LRRC66: variants seen among roughly 807,000 people sequenced by gnomAD.
LRRC66 encodes the protein leucine-rich repeat-containing protein 66.
LRRC66 carries 29 observed loss-of-function variants against 24.6 expected under a neutral mutation model. That is an observed-to-expected ratio of 1.18 (90% CI 0.88 to 1.61). The LOEUF (loss-of-function observed/expected upper bound fraction) is 1.61, where lower values mean the gene tolerates loss of function less well. Ranked by LOEUF, LRRC66 falls within the 40% of genes most tolerant of loss-of-function variation. The pLI, the probability that LRRC66 is intolerant of heterozygous loss-of-function variation, is 0.00. For missense variants in LRRC66, 1,124 were observed against 1,058.0 expected (o/e 1.06, Z -0.87); for synonymous variants, 411 against 397.6 (o/e 1.03, Z -0.40).
intron 2 of LRRC66, among the ~76,000 whole-genome samples, chr4:52,016,531 A>AT (rs1736815800): frequency 6.6e-6 from 1 of 152,166 alleles, no homozygotes; most frequent in Non-Finnish European, 1.5e-5. Flanking sequence ...AGACTATTGA[A>AT]TGTCAGATGA....
chr4:51,994,289 G>C lies in LRRC66; in HGVS notation c.*90C>G. On this transcript the variant is annotated 3_prime_UTR_variant, in exon 5 of 5. Coordinates refer to ENST00000682860, the MANE Select transcript of LRRC66 (RefSeq NM_001024611.3). ...TTGGAATTCATGTTGTCTCCTTCAG[G>C]ATCTTGTTGTGAAGGCTTTAGTTTT... 1 of 1,231,894 alleles carries C rather than the reference G, an allele frequency of 8.1e-7. No homozygotes were observed. Among genetic ancestry groups the C allele is most frequent in the Non-Finnish European group, 1.1e-6 (1 of 897,814 alleles). 76.3% of individuals were successfully genotyped at this position (1,231,894 alleles called of 1,614,324 possible). A position where few individuals can be genotyped will look rare whatever the true frequency, so the allele number is the denominator to read the frequency against.
At chr4:51,998,677 G>A (rs1013845126) in intron 3 of LRRC66, among the ~76,000 whole-genome samples, 1 of 152,206 alleles carries the variant, frequency 6.6e-6, no homozygotes, top group East Asian at 1.9e-4. Context: ...AGGGGAACAA[G>A]AAGTATCCAG....
intron 2 of LRRC66, among the ~76,000 whole-genome samples, chr4:52,012,380 GT>G (rs1181886552): frequency 6.6e-6 from 1 of 152,074 alleles, no homozygotes; most frequent in Non-Finnish European, 1.5e-5. Flanking sequence ...AGACCAGGAA[GT>G]TCAGTTTACA....
Position 51,994,754 on chromosome 4 carries a change from A to C in LRRC66, c.2268T>G (p.Asn756Lys). 6.2e-7 allele frequency: 1 copy of C among 1,614,044 alleles called. No individual in the cohort carries two copies. The highest frequency in any genetic ancestry group is 8.5e-7 in the Non-Finnish European group (1 of 1,180,010). ...NVTAVDSLEE[N>K]VTFQTIPGKC... ...TCCCTGGAATTGTTTGGAAGGTAAC[A>C]TTTTCCTCAAGACTGTCTACAGCCG... Residue 756 changes from asparagine (N) to lysine (K), a missense_variant, in exon 5 of 5, where the codon AAT (asparagine) becomes AAG (lysine). By Grantham distance (94) the Asn-to-Lys change is moderately conservative. Coordinates refer to ENST00000682860, the MANE Select transcript of LRRC66 (RefSeq NM_001024611.3).
chr4:52,008,329 C>T (rs1294127667), intron 2 of LRRC66, among the ~76,000 whole-genome samples: 1 of 152,006 alleles, frequency 6.6e-6, no homozygotes, highest in Admixed American at 6.6e-5. Flanking sequence ...CTCCACACAA[C>T]AAAGTAAATT....
At position 51,995,668 on chromosome 4, in the gene LRRC66, A is replaced by G; in HGVS notation, c.1354T>C (p.Tyr452His). ...LRQVFPHLSL[Y>H]ENQTPFWVTQ... is the part of the protein sequence containing the mutation. Reference sequence around the variant, plus strand: ...ACCCAGAAAGGGGTCTGGTTCTCGTAGAGGCTTAGATGAGGAAATACTTGG... The same window carrying G: ...ACCCAGAAAGGGGTCTGGTTCTCGTGGAGGCTTAGATGAGGAAATACTTGG... The change falls in exon 5 of 5, where the codon TAC (tyrosine) becomes CAC (histidine). Residue 452 changes from tyrosine (Y) to histidine (H), a missense_variant. Tyr to His is a moderately conservative substitution (Grantham distance 83). Transcript: ENST00000682860. The G allele has an allele frequency of 6.2e-7, 1 of 1,614,094 alleles. No homozygotes were observed. Among genetic ancestry groups the G allele is most frequent in the Non-Finnish European group, 8.5e-7 (1 of 1,180,000 alleles).
Position 51,994,922 on chromosome 4 carries a change from C to G in LRRC66, c.2100G>C (p.Glu700Asp), listed in dbSNP as rs764522847. 6.2e-7 allele frequency: 1 copy of G among 1,614,162 alleles called. No individual in the cohort carries two copies. Residue 700 changes from glutamate to aspartate, a missense_variant, in exon 5 of 5, where the codon GAG (glutamate) becomes GAC (aspartate). Glu to Asp is a conservative substitution (Grantham distance 45). Coordinates refer to ENST00000682860, the MANE Select transcript of LRRC66 (RefSeq NM_001024611.3). ...STPSDTCCEL[E>D]SDCDSDEGSL... is the part of the protein sequence containing the mutation. Reference sequence around the variant, plus strand: ...ACCCCTCATCAGAGTCACAGTCACTCTCCAACTCACAGCAAGTGTCAGAAG... The same window carrying G: ...ACCCCTCATCAGAGTCACAGTCACTGTCCAACTCACAGCAAGTGTCAGAAG...
intron 2 of LRRC66, among the ~76,000 whole-genome samples, chr4:52,009,431 G>A (rs943940345): frequency 6.6e-6 from 1 of 151,948 alleles, no homozygotes; most frequent in African/African-American, 2.4e-5. Context: ...AAAAATAATA[G>A]AGAAAAATCA....
At position 51,996,186 on chromosome 4, in the gene LRRC66, A is replaced by G. The variant is rs751671725; in HGVS notation, c.857-21T>C. Reference sequence around the variant, plus strand: ...ACTCCCTGCAAGTGGGATTAAAAAAATACACATTGAGCGAACATTGAAATA... The same window carrying G: ...ACTCCCTGCAAGTGGGATTAAAAAAGTACACATTGAGCGAACATTGAAATA... On this transcript the variant is annotated intron_variant, in intron 4 of 4. Coordinates refer to ENST00000682860, the MANE Select transcript of LRRC66 (RefSeq NM_001024611.3). The G allele has an allele frequency of 2.0e-5, 30 of 1,537,986 alleles. No homozygotes were observed. In the South Asian group the frequency reaches 3.4e-4, roughly 18 times the overall value.
At chr4:52,018,388 G>A in intron 1 of LRRC66, 2 of 984,078 alleles carry the variant, frequency 2.0e-6, no homozygotes, top group Non-Finnish European at 2.4e-6. Context: ...TTAAAAATGG[G>A]TAATTTTTGT....
At chr4:51,998,070 G>A in intron 3 of LRRC66, 133 bp from the exon 4 acceptor site, 4 of 735,028 alleles carry the variant, frequency 5.4e-6, no homozygotes, top group South Asian at 4.2e-5. Context: ...TACAAGTCAG[G>A]GAATTAGTGG....
In LRRC66 at chr4:51,995,944, G is replaced by T. The variant is rs767914124; in HGVS notation, c.1078C>A (p.Arg360Ser). 4 of 1,613,962 alleles carry T rather than the reference G, an allele frequency of 2.5e-6. No individual in the cohort carries two copies. In the South Asian group the frequency reaches 4.4e-5, roughly 18 times the overall value. Reference sequence around the variant, plus strand: ...TTTTTGCCGGCAGCCTGCACATCGCGGGTGCTTCTAACACTCCTTGGCAGC... The same window carrying T: ...TTTTTGCCGGCAGCCTGCACATCGCTGGTGCTTCTAACACTCCTTGGCAGC... ...RRLPRSVRST[R>S]DVQAAGKKED... Residue 360 changes from arginine (R) to serine (S), a missense_variant, in exon 5 of 5, where the codon CGC (arginine) becomes AGC (serine). Transcript: ENST00000682860.
rs779614715 is a variant in LRRC66, at chr4:51,995,143, TCA to T, written c.1877_1878del (p.Val626GlufsTer5). The T allele has an allele frequency of 6.2e-7, 1 of 1,614,230 alleles. No individual in the cohort carries two copies. Among genetic ancestry groups the T allele is most frequent in the South Asian group, 1.1e-5 (1 of 91,090 alleles). ...SQMEFSKERQ[V>X]SSSIDLLSIQ... Reference sequence around the variant, plus strand: ...ATGCTCAGCAAATCAATGGATGAACTCACTTGCCTTTCCTTAGAAAATTCCAT... The same window carrying T: ...ATGCTCAGCAAATCAATGGATGAACTCTTGCCTTTCCTTAGAAAATTCCAT... On this transcript the variant is annotated frameshift_variant, in exon 5 of 5. Coordinates refer to ENST00000682860, the MANE Select transcript of LRRC66 (RefSeq NM_001024611.3). LOFTEE classifies it low-confidence loss of function (END_TRUNC).
chr4:52,004,867 G>A (rs1484157137), intron 2 of LRRC66, among the ~76,000 whole-genome samples: 5 of 152,194 alleles, frequency 3.3e-5, no homozygotes, highest in Admixed American at 2.0e-4. Flanking sequence ...CAAGGCAGTC[G>A]GTGCTGAGGA....
chr4:51,999,645 C>T (rs542824881), intron 3 of LRRC66, among the ~76,000 whole-genome samples: 9 of 151,984 alleles, frequency 5.9e-5, no homozygotes, highest in East Asian at 1.9e-4. Flanking sequence ...TTTGTCCTAG[C>T]GTCTTATTAT....
At chr4:51,999,513 T>C (rs1464924036) in intron 3 of LRRC66, among the ~76,000 whole-genome samples, 1 of 152,170 alleles carries the variant, frequency 6.6e-6, no homozygotes, top group Non-Finnish European at 1.5e-5. Context: ...AAAAAATACT[T>C]AGCTTTAGTC....
chr4:51,997,776 C>T lies in LRRC66; in HGVS notation c.828G>A (p.Lys276=), dbSNP rs368668955. 93 of 1,613,882 alleles carry T rather than the reference C, an allele frequency of 5.8e-5. No homozygotes were observed. The highest frequency in any genetic ancestry group is 7.5e-5 in the Non-Finnish European group (89 of 1,179,932). Residue 276 remains lysine (K), a synonymous_variant, in exon 4 of 5, where the codon AAG becomes AAA. Coordinates refer to ENST00000682860, the MANE Select transcript of LRRC66 (RefSeq NM_001024611.3). ...QNFISESWRK[K]WNVICNRSIG... is the part of the protein sequence containing the mutation. The stretch of plus-strand genomic sequence containing the variant: ...TAGACCTGTTGCAAATGACATTCCA[C>T]TTTTTCCTCCAGGATTCAGAAATAA...
chr4:51,994,727 T>C lies in LRRC66; in HGVS notation c.2295A>G (p.Lys765=). ...CAAAGGGATCTTCTTGATTCTTGCA[T>C]TTCCCTGGAATTGTTTGGAAGGTAA... The part of the protein sequence containing the change: ...ENVTFQTIPG[K]CKNQEDPFEK... Residue 765 remains lysine, a synonymous_variant, in exon 5 of 5, where the codon AAA becomes AAG. Transcript: ENST00000682860. 6.2e-7 allele frequency: 1 copy of C among 1,614,222 alleles called. No homozygotes were observed. The highest frequency in any genetic ancestry group is 8.5e-7 in the Non-Finnish European group (1 of 1,180,036).
chr4:52,005,449 C>T (rs550057262), intron 2 of LRRC66, among the ~76,000 whole-genome samples: 17 of 152,128 alleles, frequency 1.1e-4, no homozygotes, highest in African/African-American at 3.6e-4. Context: ...GCCTGGGCAA[C>T]GTGGTGAAAC....
Sources: allele counts gnomAD v4.1 joint callset (sites outside exome capture counted in the v4.1 genomes callset), GRCh38; gene constraint gnomAD v4.1.1; transcripts MANE v1.5; gene names NCBI Gene and HGNC (gene_info 2026-07-23, HGNC 2026-07-21).